PURG: variants seen among roughly 807,000 people sequenced by gnomAD.
PURG encodes the protein purine-rich element-binding protein gamma.
In PURG, 3 loss-of-function variants were observed where a neutral mutation model predicts 24.3. That is an observed-to-expected ratio of 0.12 (90% CI 0.06 to 0.32). PURG has a LOEUF of 0.32. PURG is among the 10% of genes least tolerant of loss of function. The probability of loss-of-function intolerance (pLI) is 1.00; values close to 1 mark genes in which losing one functional copy is unlikely to be tolerated. For missense variants in PURG, 371 were observed against 439.1 expected, an observed-to-expected ratio of 0.84 and a Z score of 1.39; for synonymous variants, 180 against 173.1, an observed-to-expected ratio of 1.04 and a Z score of -0.31.
intron 1 of PURG, among the ~76,000 whole-genome samples, chr8:31,004,593 G>A (rs1490753690): frequency 1.3e-5 from 2 of 152,126 alleles, no homozygotes; most frequent in African/African-American, 4.8e-5. Flanking sequence ...CTTGAACCAG[G>A]GAGGCAGAGG....
chr8:31,004,008 G>T (rs180970968), intron 1 of PURG, among the ~76,000 whole-genome samples: 1 of 152,186 alleles, frequency 6.6e-6, no homozygotes, highest in African/African-American at 2.4e-5. Flanking sequence ...TCTTGAAAAA[G>T]ACAATAAGCA....
intron 1 of PURG, among the ~76,000 whole-genome samples, chr8:31,019,081 G>A (rs1434600132): frequency 5.4e-5 from 6 of 110,446 alleles, no homozygotes; most frequent in Admixed American, 1.2e-4. Flanking sequence ...CCGAGATCGC[G>A]CCACTGCACT....
At chr8:31,023,435 T>C (rs927464549) in intron 1 of PURG, among the ~76,000 whole-genome samples, 8 of 152,122 alleles carry the variant, frequency 5.3e-5, no homozygotes, top group African/African-American at 1.9e-4. Context: ...GTCACTCTTT[T>C]TTAAGCCTCT....
chr8:31,019,041 A>G (rs1462059435), intron 1 of PURG, among the ~76,000 whole-genome samples: 2 of 137,224 alleles, frequency 1.5e-5, no homozygotes, highest in Admixed American at 7.5e-5. Context: ...GGAGAATGGC[A>G]TGAACCCGGG....
rs758723248 is a variant in PURG, at chr8:31,032,120, A to G, written c.663T>C (p.Thr221=). The change falls in exon 2 of 2, where the codon ACT becomes ACC. Residue 221 remains threonine (T), a synonymous_variant. Coordinates refer to ENST00000523392, the MANE Select transcript of PURG (RefSeq NM_001323311.2). The surrounding 1 kb of genome is among the most constrained non-coding windows in gnomAD (Gnocchi z 5.9). ...YFGHSLGQEQ[T]IVLPAQGMIE... is the part of the protein sequence containing the mutation. ...TCATTCCTTGTGCTGGGAGGACAAT[A>G]GTCTGTTCTTGGCCCAAACTGTGGC... 1 of 1,614,144 alleles carries G rather than the reference A, an allele frequency of 6.2e-7. No homozygotes were observed. The highest frequency in any genetic ancestry group is 8.5e-7 in the Non-Finnish European group (1 of 1,180,026).
intron 1 of PURG, among the ~76,000 whole-genome samples, chr8:31,023,143 G>C (rs1048144088): frequency 2.0e-5 from 3 of 152,174 alleles, no homozygotes; most frequent in Non-Finnish European, 4.4e-5. Context: ...CTGCTATTTT[G>C]AGAAGAGGGA....
Position 31,032,499 on chromosome 8 carries a change from C to A in PURG, c.284G>T (p.Gly95Val). The change falls in exon 2 of 2, where the codon GGC (glycine) becomes GTC (valine). Residue 95 changes from glycine (G) to valine (V), a missense_variant. Transcript: ENST00000523392. This position sits in a 1 kb window ranked among gnomAD's most constrained non-coding sequence, Gnocchi z 5.9. ...LKIAEVWIGR[G>V]RQDNIRKSKL... ...ACTCTTTCTGATGTTGTCCTGCCGG[C>A]CTCTCCCTATCCAGACTTCGGCTAT... is the stretch of plus-strand genomic sequence containing the variant. 6.2e-7 allele frequency: 1 copy of A among 1,614,246 alleles called. No homozygotes were observed. The highest frequency in any genetic ancestry group is 1.6e-4 in the Middle Eastern group (1 of 6,062).
intron 1 of PURG, among the ~76,000 whole-genome samples, chr8:31,006,921 A>G (rs1032561871): frequency 2.6e-5 from 4 of 152,222 alleles, no homozygotes; most frequent in Admixed American, 6.5e-5. Context: ...TTTTTTTTAA[A>G]AAGCTCTGAA....
intron 1 of PURG, among the ~76,000 whole-genome samples, chr8:31,021,677 G>A (rs560843607): frequency 6.6e-6 from 1 of 152,130 alleles, no homozygotes; most frequent in Admixed American, 6.6e-5. Context: ...TGGCCTAACT[G>A]AACGGGCACA....
downstream of PURG, among the ~76,000 whole-genome samples, chr8:31,029,774 G>A (rs1471434960): frequency 2.0e-5 from 3 of 151,866 alleles, no homozygotes; most frequent in East Asian, 1.9e-4. Flanking sequence ...TAATTCAAGT[G>A]CACATCATTC....
chr8:31,017,646 A>G (rs1321915738), intron 1 of PURG, among the ~76,000 whole-genome samples: 1 of 152,190 alleles, frequency 6.6e-6, no homozygotes, highest in African/African-American at 2.4e-5. Flanking sequence ...GTGACAAGAA[A>G]AAAGTGGACA....
chr8:31,005,754 T>C (rs1192209930), intron 1 of PURG, among the ~76,000 whole-genome samples: 1 of 145,300 alleles, frequency 6.9e-6, no homozygotes, highest in Non-Finnish European at 1.5e-5. Flanking sequence ...AGAAATTGCT[T>C]AGCATTTTTC....
intron 1 of PURG, among the ~76,000 whole-genome samples, chr8:30,998,396 A>G (rs963687886): frequency 1.3e-5 from 2 of 151,778 alleles, no homozygotes; most frequent in African/African-American, 4.8e-5. Context: ...GACATATTCT[A>G]TACAGACGAA....
chr8:31,021,129 G>A lies in PURG; in HGVS notation c.864+10790C>T, dbSNP rs564641468. ...AATTAAATATGAAAATGAGTGGAAT[G>A]ATATAGGGAGGAGTATGGCAGGAAA... On this transcript the variant is annotated intron_variant, in intron 1 of 1. Transcript: ENST00000339382. Among the ~76,000 whole-genome samples, 4 of 152,310 alleles carry A rather than the reference G, an allele frequency of 2.6e-5. No homozygotes were observed. The South Asian group carries it at 8.3e-4, about 32-fold the overall frequency.
intron 1 of PURG, among the ~76,000 whole-genome samples, chr8:30,998,961 C>G (rs1408255981): frequency 6.6e-6 from 1 of 151,710 alleles, no homozygotes; most frequent in Non-Finnish European, 1.5e-5. Context: ...GGTGCCAACA[C>G]CTAAAGTTAA....
chr8:31,021,534 C>A (rs1049347167), intron 1 of PURG, among the ~76,000 whole-genome samples: 7 of 152,124 alleles, frequency 4.6e-5, no homozygotes, highest in African/African-American at 1.7e-4. Flanking sequence ...TGAGACTAGT[C>A]CCACATATAG....
At chr8:30,997,206 T>C (rs979452799) in intron 1 of PURG, among the ~76,000 whole-genome samples, 3 of 151,820 alleles carry the variant, frequency 2.0e-5, no homozygotes, top group Non-Finnish European at 4.4e-5. Flanking sequence ...TTATTTGTTT[T>C]CCAAGTTTAA....
intron 1 of PURG, among the ~76,000 whole-genome samples, chr8:31,008,808 G>A (rs1810706224): frequency 6.6e-6 from 1 of 152,162 alleles, no homozygotes; most frequent in South Asian, 2.1e-4. Context: ...ATAAATGACA[G>A]AATTTGGACT....
At chr8:31,005,771 C>CTTTTTTTTTTTTTTT (rs67428647) in intron 1 of PURG, among the ~76,000 whole-genome samples, 1 of 142,198 alleles carries the variant, frequency 7.0e-6, no homozygotes, top group Non-Finnish European at 1.5e-5. Flanking sequence ...TTTCTTTTTT[C>CTTTTTTTTTTTTTTT]TTTTTTTTTT....
Sources: allele counts gnomAD v4.1 joint callset (sites outside exome capture counted in the v4.1 genomes callset), GRCh38; gene constraint gnomAD v4.1.1; non-coding constraint Gnocchi (gnomAD v3.1); transcripts MANE v1.5; gene names NCBI Gene and HGNC (gene_info 2026-07-23, HGNC 2026-07-21).